WWOX: variants seen among roughly 807,000 people sequenced by gnomAD.
WWOX encodes the protein WW domain-containing oxidoreductase.
A neutral mutation model predicts 46.2 loss-of-function variants in WWOX; 69 were observed. The observed-to-expected ratio is 1.49, with a 90% CI of 1.23 to 1.82. The LOEUF (loss-of-function observed/expected upper bound fraction) is 1.82, where lower values mean the gene tolerates loss of function less well. Among genes scored for constraint, WWOX ranks in the 40% most tolerant of loss-of-function variants. WWOX has a pLI of 0.00. For missense variants in WWOX, 919 were observed against 542.6 expected (o/e 1.69, Z -6.89); for synonymous variants, 359 against 202.6 (o/e 1.77, Z -6.56).
chr16:79,036,452 A>G (rs1274536570), intron 8 of WWOX, among the ~76,000 whole-genome samples: 1 of 152,214 alleles, frequency 6.6e-6, no homozygotes. Context: ...TTGCTGCATC[A>G]TTCATGACAT....
intron 8 of WWOX, among the ~76,000 whole-genome samples, chr16:78,984,025 C>G (rs2046735995): frequency 6.6e-6 from 1 of 151,698 alleles, no homozygotes; most frequent in South Asian, 2.1e-4. Flanking sequence ...CTACAGGCGC[C>G]TGCCACCATG....
chr16:78,526,204 G>A (rs374823895), intron 8 of WWOX: 34 of 152,210 alleles, frequency 2.2e-4, no homozygotes, highest in African/African-American at 7.7e-4. Context: ...GGAGTAGCGG[G>A]GCAGAAGCCG....
intron 5 of WWOX, among the ~76,000 whole-genome samples, chr16:78,253,822 T>C (rs761449334): frequency 5.3e-5 from 8 of 152,190 alleles, no homozygotes; most frequent in Non-Finnish European, 1.2e-4. Flanking sequence ...AGCTATGTCC[T>C]GGTGACTTGG....
intron 8 of WWOX, among the ~76,000 whole-genome samples, chr16:78,819,504 A>T (rs2051434987): frequency 6.6e-6 from 1 of 152,152 alleles, no homozygotes; most frequent in South Asian, 2.1e-4. Flanking sequence ...TCCACCACTT[A>T]ATTTGCATAT....
chr16:78,722,506 AT>A (rs1387948842), intron 8 of WWOX, among the ~76,000 whole-genome samples: 2 of 152,134 alleles, frequency 1.3e-5, no homozygotes, highest in Admixed American at 6.6e-5. Context: ...ATCTGTTGTG[AT>A]TATGATCATA....
chr16:78,712,067 A>G (rs13339567), intron 8 of WWOX, among the ~76,000 whole-genome samples: 297 of 152,244 alleles, frequency 2.0e-3, no homozygotes, highest in African/African-American at 7.1e-3. Flanking sequence ...TCTTATATTC[A>G]TTATAGATGT....
At position 78,490,617 on chromosome 16, in the gene WWOX, A is replaced by C. The variant is rs58128994; in HGVS notation, c.1056+57865A>C. On this transcript the variant is annotated intron_variant, in intron 8 of 8. Coordinates refer to ENST00000566780, the MANE Select transcript of WWOX (RefSeq NM_016373.4). Reference sequence around the variant, plus strand: ...ATGTGGCCCAGAGACCAAATGAAACAAACGATCCTCTGATTGCTCAGATGT... The same window carrying C: ...ATGTGGCCCAGAGACCAAATGAAACCAACGATCCTCTGATTGCTCAGATGT... Among the ~76,000 whole-genome samples, 1,408 of 152,318 alleles carry C rather than the reference A, an allele frequency of 9.2e-3. 20 individuals are homozygous for C. Among genetic ancestry groups the C allele is most frequent in the African/African-American group, 0.032 (1,348 of 41,564 alleles).
intron 5 of WWOX, among the ~76,000 whole-genome samples, chr16:78,263,071 C>G (rs1488291981): frequency 6.6e-6 from 1 of 152,146 alleles, no homozygotes; most frequent in African/African-American, 2.4e-5. Flanking sequence ...GTCTTCCATT[C>G]CACAGTGTAG....
chr16:78,617,015 G>T (rs944343560), intron 8 of WWOX, among the ~76,000 whole-genome samples: 1 of 152,180 alleles, frequency 6.6e-6, no homozygotes, highest in Non-Finnish European at 1.5e-5. Flanking sequence ...ACCCAGCGTG[G>T]TGATTTTGGC....
intron 5 of WWOX, among the ~76,000 whole-genome samples, chr16:78,227,733 C>T: frequency 6.6e-6 from 1 of 152,038 alleles, no homozygotes; most frequent in East Asian, 1.9e-4. Flanking sequence ...AAAAATTAGC[C>T]AGGTGCGGTG....
chr16:78,420,479 C>T (rs1009970174), intron 6 of WWOX, among the ~76,000 whole-genome samples: 6 of 152,000 alleles, frequency 3.9e-5, no homozygotes, highest in African/African-American at 1.2e-4. Flanking sequence ...CATGGATGAA[C>T]CCTGCAAACA....
chr16:78,456,237 C>T (rs1174583166), intron 8 of WWOX, among the ~76,000 whole-genome samples: 2 of 152,114 alleles, frequency 1.3e-5, no homozygotes, highest in Non-Finnish European at 2.9e-5. Context: ...AAGAGGGACA[C>T]ATTTTTAACA....
intron 5 of WWOX, among the ~76,000 whole-genome samples, chr16:78,370,150 A>AAG (rs60021979): frequency 2.7e-5 from 4 of 149,766 alleles, no homozygotes; most frequent in African/African-American, 9.8e-5. Flanking sequence ...AAAAAAAAAA[A>AAG]GGGCATGGAT....
chr16:78,121,920 C>G (rs1020986752), intron 4 of WWOX, among the ~76,000 whole-genome samples: 3 of 152,114 alleles, frequency 2.0e-5, no homozygotes, highest in African/African-American at 7.2e-5. Flanking sequence ...CTCAACCTCC[C>G]CAAATGCTGG....
At chr16:78,522,247 T>C (rs754574731) in intron 8 of WWOX, among the ~76,000 whole-genome samples, 8 of 151,190 alleles carry the variant, frequency 5.3e-5, no homozygotes, top group Non-Finnish European at 8.8e-5. Flanking sequence ...CTAGAAGGAG[T>C]TGAAAAATAA....
intron 8 of WWOX, among the ~76,000 whole-genome samples, chr16:78,940,056 T>G (rs1319278090): frequency 6.6e-6 from 1 of 152,232 alleles, no homozygotes; most frequent in Non-Finnish European, 1.5e-5. Flanking sequence ...AAACGTTACT[T>G]TCATCCCATT....
chr16:78,324,944 T>C (rs935625713), intron 5 of WWOX, among the ~76,000 whole-genome samples: 2 of 152,146 alleles, frequency 1.3e-5, no homozygotes, highest in Admixed American at 6.5e-5. Flanking sequence ...TCAATAAAGC[T>C]GTTAAAAAAT....
At chr16:78,709,753 T>A (rs1200245826) in intron 8 of WWOX, among the ~76,000 whole-genome samples, 1 of 148,656 alleles carries the variant, frequency 6.7e-6, no homozygotes. Flanking sequence ...TTTTTTGTGA[T>A]AATCTCTCTC....
chr16:78,634,173 C>G (rs145690412), intron 8 of WWOX, among the ~76,000 whole-genome samples: 3 of 152,168 alleles, frequency 2.0e-5, no homozygotes, highest in African/African-American at 7.2e-5. Flanking sequence ...ATTAGAGATT[C>G]GCTTTTTTGT....
Sources: allele counts gnomAD v4.1 joint callset (sites outside exome capture counted in the v4.1 genomes callset), GRCh38; gene constraint gnomAD v4.1.1; transcripts MANE v1.5; gene names NCBI Gene and HGNC (gene_info 2026-07-23, HGNC 2026-07-21).